The following MARCHF4 variants were observed in gnomAD, a reference collection of about 807,000 sequenced individuals.
MARCHF4 encodes the protein membrane associated ring-CH-type finger 4, also known as E3 ubiquitin-protein ligase MARCHF4.
Under a neutral mutation model 43.9 loss-of-function variants are expected in MARCHF4, and 14 were observed. The ratio of observed to expected loss-of-function variants is 0.32; its 90% CI spans 0.21 to 0.50. MARCHF4 has a LOEUF of 0.50. Ranked by LOEUF, MARCHF4 falls within the 20% of genes least tolerant of loss-of-function variation. The pLI, the probability that MARCHF4 is intolerant of heterozygous loss-of-function variation, is 0.98. For missense variants in MARCHF4, 468 were observed against 536.7 expected, an observed-to-expected ratio of 0.87 and a Z score of 1.27; for synonymous variants, 226 against 213.3, an observed-to-expected ratio of 1.06 and a Z score of -0.52.
intron 1 of MARCHF4, among the ~76,000 whole-genome samples, chr2:216,307,917 A>G (rs1240602088): frequency 6.6e-6 from 1 of 152,128 alleles, no homozygotes; most frequent in Non-Finnish European, 1.5e-5. Context: ...TTAGCTAGGC[A>G]TGGTGGCATG....
intron 1 of MARCHF4, among the ~76,000 whole-genome samples, chr2:216,338,543 G>C (rs917857080): frequency 1.3e-5 from 2 of 152,122 alleles, no homozygotes; most frequent in Non-Finnish European, 2.9e-5. Flanking sequence ...CCAGGTTCTA[G>C]TAACCTACCT....
At chr2:216,320,607 TTTTCTTTCTTTCTTTCTTTCTTTCTTTC>T (rs552086212) in intron 1 of MARCHF4, among the ~76,000 whole-genome samples, 164 of 112,174 alleles carry the variant, frequency 1.5e-3, no homozygotes, top group Middle Eastern at 5.0e-3. Context: ...TATAGCCTCT[TTTTCTTTCTTTCTTTCTTTCTTTCTTTC>T]TTTCTTTCTT....
chr2:216,333,451 G>A lies in MARCHF4; in HGVS notation c.516+36294C>T, dbSNP rs182500469. Among the ~76,000 whole-genome samples the A allele has an allele frequency of 2.0e-4, 30 of 152,324 alleles. No homozygotes were observed. In the East Asian group the frequency reaches 4.6e-3, roughly 24 times the overall value. On this transcript the variant is annotated intron_variant, in intron 1 of 3. Coordinates refer to ENST00000273067, the MANE Select transcript of MARCHF4 (RefSeq NM_020814.3). ...AACCAAAATGAGATGTCATATGACCGCACTGGATTGACTCACATTAAAATG... is the reference window on the plus strand; with the variant it reads ...AACCAAAATGAGATGTCATATGACCACACTGGATTGACTCACATTAAAATG...
chr2:216,328,000 A>C (rs1326652383), intron 1 of MARCHF4, among the ~76,000 whole-genome samples: 1 of 151,980 alleles, frequency 6.6e-6, no homozygotes, highest in East Asian at 1.9e-4. Flanking sequence ...AAAGAAAGAA[A>C]GCTCTCTGTA....
At chr2:216,365,327 C>T (rs1692647383) in intron 1 of MARCHF4, among the ~76,000 whole-genome samples, 1 of 152,228 alleles carries the variant, frequency 6.6e-6, no homozygotes, top group South Asian at 2.1e-4. Context: ...ATTAAGCCTG[C>T]TAAACTTTTC....
At position 216,367,945 on chromosome 2, in the gene MARCHF4, G is replaced by C. The variant is rs531773781; in HGVS notation, c.516+1800C>G. The stretch of plus-strand genomic sequence containing the variant: ...CCCAACACACCTCTGAGGAAAGGAG[G>C]GGGGGGCATGAAAAGGTGTCTCCAA... On this transcript the variant is annotated intron_variant, in intron 1 of 3. Coordinates refer to ENST00000273067, the MANE Select transcript of MARCHF4 (RefSeq NM_020814.3). 4.6e-5 allele frequency among the ~76,000 whole-genome samples: 7 copies of C among 152,026 alleles called. No homozygotes were observed. In the East Asian group the frequency reaches 7.7e-4, roughly 17 times the overall value.
At chr2:216,340,521 C>T (rs1692220935) in intron 1 of MARCHF4, among the ~76,000 whole-genome samples, 1 of 152,174 alleles carries the variant, frequency 6.6e-6, no homozygotes, top group Admixed American at 6.5e-5. Context: ...AGCAATTTCA[C>T]CTAATTCCAC....
At chr2:216,340,967 A>C (rs997353019) in intron 1 of MARCHF4, among the ~76,000 whole-genome samples, 1 of 152,080 alleles carries the variant, frequency 6.6e-6, no homozygotes, top group Non-Finnish European at 1.5e-5. Flanking sequence ...CCTGGCTTGG[A>C]AAGTTAAATG....
chr2:216,306,330 T>C (rs969494667), intron 1 of MARCHF4, among the ~76,000 whole-genome samples: 6 of 152,224 alleles, frequency 3.9e-5, no homozygotes, highest in African/African-American at 1.4e-4. Context: ...GATAAATCAT[T>C]TTATAAGTAA....
intron 1 of MARCHF4, among the ~76,000 whole-genome samples, chr2:216,315,050 T>A (rs1174147640): frequency 6.6e-6 from 1 of 152,220 alleles, no homozygotes; most frequent in Non-Finnish European, 1.5e-5. Flanking sequence ...AATGTCAATA[T>A]ATTATTGTCC....
chr2:216,346,881 A>T (rs1692328692), intron 1 of MARCHF4, among the ~76,000 whole-genome samples: 1 of 152,106 alleles, frequency 6.6e-6, no homozygotes, highest in Non-Finnish European at 1.5e-5. Flanking sequence ...CCAGTGTTAG[A>T]GGTGGGGCCT....
At chr2:216,311,030 C>T (rs532401167) in intron 1 of MARCHF4, among the ~76,000 whole-genome samples, 1 of 152,212 alleles carries the variant, frequency 6.6e-6, no homozygotes, top group Non-Finnish European at 1.5e-5. Context: ...ATATTACCTA[C>T]AATCCTACCA....
At chr2:216,277,152 C>T (rs903138176) in intron 3 of MARCHF4, among the ~76,000 whole-genome samples, 6 of 152,086 alleles carry the variant, frequency 3.9e-5, no homozygotes, top group Admixed American at 3.9e-4. Flanking sequence ...GTGTGTGAGG[C>T]CCCAGTACTA....
chr2:216,332,480 G>C (rs1247993716), intron 1 of MARCHF4, among the ~76,000 whole-genome samples: 1 of 151,052 alleles, frequency 6.6e-6, no homozygotes, highest in Non-Finnish European at 1.5e-5. Context: ...TTGATTTTAA[G>C]GCCAATATAA....
At chr2:216,308,347 T>C (rs1301513045) in intron 1 of MARCHF4, among the ~76,000 whole-genome samples, 1 of 152,020 alleles carries the variant, frequency 6.6e-6, no homozygotes, top group Non-Finnish European at 1.5e-5. Context: ...GAGTTTCCAG[T>C]GAGCCATGAT....
rs1331721562 is a variant in MARCHF4, at chr2:216,324,119, A to G, written c.517-40390T>C. Among the ~76,000 whole-genome samples the G allele has an allele frequency of 2.0e-5, 3 of 149,250 alleles. No homozygotes were observed. In the East Asian group the frequency reaches 5.8e-4, roughly 29 times the overall value. On this transcript the variant is annotated intron_variant, in intron 1 of 3. Transcript: ENST00000273067. ...AAGAATCAAATAGACGCAATAAAAAATGATAAAGGGGATATCACCACCGAT... is the reference window on the plus strand; with the variant it reads ...AAGAATCAAATAGACGCAATAAAAAGTGATAAAGGGGATATCACCACCGAT...
At chr2:216,344,073 T>G (rs891035784) in intron 1 of MARCHF4, among the ~76,000 whole-genome samples, 1 of 152,096 alleles carries the variant, frequency 6.6e-6, no homozygotes, top group Non-Finnish European at 1.5e-5. Context: ...GTAGAGAATT[T>G]GGGAGAGAGC....
chr2:216,292,062 A>G (rs781390592), intron 1 of MARCHF4, among the ~76,000 whole-genome samples: 1 of 152,204 alleles, frequency 6.6e-6, no homozygotes, highest in Non-Finnish European at 1.5e-5. Flanking sequence ...TATTAACACC[A>G]AGACAGAAAC....
At chr2:216,330,643 A>G (rs1231392955) in intron 1 of MARCHF4, among the ~76,000 whole-genome samples, 1 of 152,176 alleles carries the variant, frequency 6.6e-6, no homozygotes, top group Non-Finnish European at 1.5e-5. Flanking sequence ...TTCTAAGAAA[A>G]TCCCAAGAAC....
Sources: gnomAD v4.1 joint callset for allele counts (sites outside exome capture counted in the v4.1 genomes callset) on GRCh38, gnomAD v4.1.1 for gene constraint, MANE v1.5 for transcripts, NCBI Gene and HGNC (gene_info 2026-07-23, HGNC 2026-07-21) for gene names.